The following CHST11 variants were observed in gnomAD, a reference collection of about 807,000 sequenced individuals.
CHST11 encodes C4S-1.
A neutral mutation model predicts 30.4 loss-of-function variants in CHST11; 9 were observed. That is an observed-to-expected ratio of 0.30 (90% CI 0.18 to 0.52). CHST11 has a LOEUF of 0.52. CHST11 is among the 20% of genes least tolerant of loss of function. The probability of loss-of-function intolerance (pLI) is 0.97; values close to 1 mark genes in which losing one functional copy is unlikely to be tolerated. For missense variants in CHST11, 348 were observed against 460.6 expected, an observed-to-expected ratio of 0.76 and a Z score of 2.24; for synonymous variants, 152 against 187.8, an observed-to-expected ratio of 0.81 and a Z score of 1.56.
intron 2 of CHST11, among the ~76,000 whole-genome samples, chr12:104,717,523 C>T (rs2040140387): frequency 6.6e-6 from 1 of 152,110 alleles, no homozygotes; most frequent in Admixed American, 6.6e-5. Flanking sequence ...CCTGTAATCC[C>T]AGCACTTTGG....
At chr12:104,686,315 C>T (rs835476) in intron 2 of CHST11, among the ~76,000 whole-genome samples, 78,694 of 151,048 alleles carry the variant, frequency 0.52, 21,899 homozygotes, top group Non-Finnish European at 0.63. Flanking sequence ...GCTGCTTAGC[C>T]GCTGATCCAG....
chr12:104,674,990 A>C (rs1332381646), intron 2 of CHST11, among the ~76,000 whole-genome samples: 1 of 152,222 alleles, frequency 6.6e-6, no homozygotes, highest in Non-Finnish European at 1.5e-5. Flanking sequence ...CTTGAAAAAT[A>C]AAATACAAAA....
At chr12:104,577,234 ATTTTTTTTTT>A (rs34967812) in intron 1 of CHST11, among the ~76,000 whole-genome samples, 1 of 74,218 alleles carries the variant, frequency 1.3e-5, no homozygotes, top group Non-Finnish European at 2.4e-5. Context: ...GCAGCCCTTC[ATTTTTTTTTT>A]TTTTTTTTTT....
chr12:104,684,226 T>G (rs2039824274), intron 2 of CHST11, among the ~76,000 whole-genome samples: 1 of 152,008 alleles, frequency 6.6e-6, no homozygotes, highest in South Asian at 2.1e-4. Flanking sequence ...TCTTGAAGGA[T>G]TACAGAATAA....
intron 1 of CHST11, among the ~76,000 whole-genome samples, chr12:104,470,390 G>A (rs2037496787): frequency 1.3e-5 from 2 of 152,114 alleles, no homozygotes; most frequent in Non-Finnish European, 2.9e-5. Flanking sequence ...ACCAGACACT[G>A]ATAAAGCCAT....
chr12:104,667,004 G>C (rs2039648969), intron 2 of CHST11, among the ~76,000 whole-genome samples: 1 of 152,206 alleles, frequency 6.6e-6, no homozygotes, highest in African/African-American at 2.4e-5. Context: ...TAAAACGCTT[G>C]TTGAGCAGAA....
chr12:104,628,239 G>A (rs754009333), intron 2 of CHST11, among the ~76,000 whole-genome samples: 6 of 152,120 alleles, frequency 3.9e-5, no homozygotes, highest in Non-Finnish European at 5.9e-5. Context: ...TAATCCCAAC[G>A]GTCCCGTTCT....
intron 2 of CHST11, among the ~76,000 whole-genome samples, chr12:104,731,275 C>A (rs2040255401): frequency 6.6e-6 from 1 of 152,124 alleles, no homozygotes; most frequent in South Asian, 2.1e-4. Context: ...CAAGGGCAGC[C>A]CGAACAGGGA....
chr12:104,538,038 C>T (rs573756106), intron 1 of CHST11, among the ~76,000 whole-genome samples: 20 of 152,118 alleles, frequency 1.3e-4, no homozygotes, highest in Middle Eastern at 3.2e-3. Flanking sequence ...GACTAATGAA[C>T]GGATATTGAT....
At chr12:104,751,571 T>C (rs772974965) in intron 2 of CHST11, among the ~76,000 whole-genome samples, 7 of 152,242 alleles carry the variant, frequency 4.6e-5, no homozygotes, top group African/African-American at 7.2e-5. Context: ...ACAGAGCTGG[T>C]GAAATTTGTC....
intron 2 of CHST11, among the ~76,000 whole-genome samples, chr12:104,716,338 T>C (rs1235677804): frequency 6.6e-6 from 1 of 152,232 alleles, no homozygotes; most frequent in Non-Finnish European, 1.5e-5. Flanking sequence ...AATCTGAGTC[T>C]ACCCCCACCC....
At chr12:104,723,249 T>C (rs968510263) in intron 2 of CHST11, among the ~76,000 whole-genome samples, 1 of 152,174 alleles carries the variant, frequency 6.6e-6, no homozygotes, top group Non-Finnish European at 1.5e-5. Context: ...GAGCCCTTTG[T>C]TTTAACTCAT....
chr12:104,602,267 G>A (rs929458596), intron 2 of CHST11: 11 of 485,456 alleles, frequency 2.3e-5, no homozygotes, highest in African/African-American at 9.9e-5. Context: ...TCTCAAGTTC[G>A]AGCAATGGGA....
intron 1 of CHST11, among the ~76,000 whole-genome samples, chr12:104,483,966 G>A (rs2037653485): frequency 6.6e-6 from 1 of 152,126 alleles, no homozygotes; most frequent in East Asian, 1.9e-4. Flanking sequence ...TCTGAACCTG[G>A]GCCTGCTTGA....
chr12:104,641,004 C>A (rs1724394017), intron 2 of CHST11, among the ~76,000 whole-genome samples: 1 of 152,152 alleles, frequency 6.6e-6, no homozygotes. Flanking sequence ...AGCAGCTGGA[C>A]ATTGGAGACT....
chr12:104,567,839 T>C (rs2038582867), intron 1 of CHST11, among the ~76,000 whole-genome samples: 1 of 152,168 alleles, frequency 6.6e-6, no homozygotes. Context: ...AGTGCCCTTA[T>C]AAAAGAGGCC....
At chr12:104,697,642 C>T (rs1193988769) in intron 2 of CHST11, among the ~76,000 whole-genome samples, 1 of 152,118 alleles carries the variant, frequency 6.6e-6, no homozygotes, top group Non-Finnish European at 1.5e-5. Flanking sequence ...CTCTGGAGCA[C>T]CCTAACACAC....
intron 1 of CHST11, among the ~76,000 whole-genome samples, chr12:104,575,838 TC>T (rs1484943633): frequency 2.6e-5 from 4 of 152,050 alleles, no homozygotes; most frequent in Non-Finnish European, 1.5e-5. Context: ...AAATTGCTTA[TC>T]GGGGTATTCC....
chr12:104,674,850 A>G (rs2039725924), intron 2 of CHST11, among the ~76,000 whole-genome samples: 1 of 152,084 alleles, frequency 6.6e-6, no homozygotes, highest in South Asian at 2.1e-4. Context: ...AAACCCAGAT[A>G]CTGTGTAACC....
Sources: gnomAD v4.1 joint callset for allele counts (sites outside exome capture counted in the v4.1 genomes callset) on GRCh38, gnomAD v4.1.1 for gene constraint, MANE v1.5 for transcripts, NCBI Gene and HGNC (gene_info 2026-07-23, HGNC 2026-07-21) for gene names.